The following GALNT2 variants were observed in gnomAD, a reference collection of about 807,000 sequenced individuals.
The protein encoded by GALNT2 is polypeptide N-acetylgalactosaminyltransferase 2.
Under a neutral mutation model 81.4 loss-of-function variants are expected in GALNT2, and 31 were observed. The observed-to-expected ratio is 0.38, with a 90% CI of 0.29 to 0.51. The LOEUF is 0.51. GALNT2 is among the 20% of genes least tolerant of loss of function. GALNT2 has a pLI of 0.87. For synonymous variants in GALNT2, 303 were observed against 287.4 expected (o/e 1.05, Z -0.55); for missense variants, 629 against 765.7 (o/e 0.82, Z 2.11).
chr1:230,134,376 G>T (rs896816198), intron 1 of GALNT2, among the ~76,000 whole-genome samples: 60 of 152,230 alleles, frequency 3.9e-4, no homozygotes, highest in African/African-American at 1.4e-3. Context: ...CAAAGTGCTG[G>T]GATTACAGGT....
At chr1:230,167,640 C>A (rs1027375281) in intron 1 of GALNT2, among the ~76,000 whole-genome samples, 2 of 152,218 alleles carry the variant, frequency 1.3e-5, no homozygotes, top group African/African-American at 4.8e-5. Flanking sequence ...GGAAAGCAGC[C>A]TTGCGGGGAT....
Position 230,245,592 on chromosome 1 carries a change from T to TCA in GALNT2, c.730-459_730-458dup, listed in dbSNP as rs1353366713. On this transcript the variant is annotated intron_variant, in intron 7 of 15. Coordinates refer to ENST00000366672, the MANE Select transcript of GALNT2 (RefSeq NM_004481.5). ...AATATTGATACTTACCACATCTCTCTCACACACACACACTCCCACATAGAA... is the reference window on the plus strand; with the variant it reads ...AATATTGATACTTACCACATCTCTCTCACACACACACACACTCCCACATAGAA... Among the ~76,000 whole-genome samples, 3 of 152,154 alleles carry TCA rather than the reference T, an allele frequency of 2.0e-5. No homozygotes were observed. In the South Asian group the frequency reaches 6.2e-4, roughly 32 times the overall value.
intron 7 of GALNT2, among the ~76,000 whole-genome samples, chr1:230,245,296 T>G (rs1248104908): frequency 6.6e-6 from 1 of 152,080 alleles, no homozygotes; most frequent in East Asian, 1.9e-4. Context: ...AAATCCCATC[T>G]CTACTAAAAA....
At chr1:230,204,449 A>G (rs955084880) in intron 3 of GALNT2, among the ~76,000 whole-genome samples, 3 of 152,196 alleles carry the variant, frequency 2.0e-5, no homozygotes, top group Non-Finnish European at 2.9e-5. Flanking sequence ...GATTACAGGC[A>G]TGCTCCACCT....
chr1:230,213,217 A>C (rs1273483135), intron 3 of GALNT2, among the ~76,000 whole-genome samples: 3 of 152,230 alleles, frequency 2.0e-5, no homozygotes, highest in Non-Finnish European at 4.4e-5. Flanking sequence ...GTTGTCAAGA[A>C]ACTGTAGTCT....
intron 2 of GALNT2, among the ~76,000 whole-genome samples, chr1:230,197,697 G>A (rs1193142872): frequency 6.6e-6 from 1 of 152,168 alleles, no homozygotes; most frequent in East Asian, 1.9e-4. Context: ...ACAAACCAGA[G>A]TGTCAGAGGG....
Position 230,249,180 on chromosome 1 carries a change from G to A in GALNT2, c.818-4G>A, listed in dbSNP as rs200483633. 1 of 1,613,928 alleles carries A rather than the reference G, an allele frequency of 6.2e-7. No individual in the cohort carries two copies. Among genetic ancestry groups the A allele is most frequent in the East Asian group, 2.2e-5 (1 of 44,870 alleles). ...AACACCCTGTTTCTTTTCCTGGCTG[G>A]CAGGTTTTGATTGGAACTTGGTATT... On this transcript the variant is annotated splice_polypyrimidine_tract_variant and splice_region_variant and intron_variant, in intron 8 of 15. Coordinates refer to ENST00000366672, the MANE Select transcript of GALNT2 (RefSeq NM_004481.5).
intron 1 of GALNT2, among the ~76,000 whole-genome samples, chr1:230,059,352 C>T (rs539472660): frequency 3.2e-4 from 48 of 152,336 alleles, no homozygotes; most frequent in African/African-American, 1.2e-3. Flanking sequence ...TGATAAATGA[C>T]AGCCACGGTG....
chr1:230,195,537 A>C (rs1663665817), intron 2 of GALNT2, among the ~76,000 whole-genome samples: 2 of 152,172 alleles, frequency 1.3e-5, no homozygotes, highest in Non-Finnish European at 2.9e-5. Context: ...CTCAGCTGGC[A>C]GGAGGGGTAG....
intron 1 of GALNT2, among the ~76,000 whole-genome samples, chr1:230,072,490 T>G (rs902114116): frequency 5.9e-5 from 9 of 151,958 alleles, no homozygotes; most frequent in African/African-American, 2.2e-4. Flanking sequence ...GCCTGTGAAG[T>G]CTCCTGGAGT....
intron 1 of GALNT2, among the ~76,000 whole-genome samples, chr1:230,127,688 T>A (rs76306077): frequency 1.3e-4 from 19 of 149,900 alleles, no homozygotes; most frequent in African/African-American, 4.4e-4. Flanking sequence ...TTTTTTTTTT[T>A]AATTTTAAAG....
At chr1:230,066,859 G>C (rs1229668500), upstream of GALNT2, among the ~76,000 whole-genome samples, 2 of 151,918 alleles carry the variant, frequency 1.3e-5, no homozygotes, top group African/African-American at 2.4e-5. Flanking sequence ...TGTCACTCAC[G>C]GGGGAGGGGG....
intron 1 of GALNT2, among the ~76,000 whole-genome samples, chr1:230,108,505 G>T (rs1351583881): frequency 2.0e-5 from 3 of 152,188 alleles, no homozygotes; most frequent in African/African-American, 7.2e-5. Flanking sequence ...GTAAGTCGAG[G>T]AGCATCCATC....
intron 1 of GALNT2, among the ~76,000 whole-genome samples, chr1:230,126,517 TG>T (rs1661186585): frequency 6.6e-6 from 1 of 151,776 alleles, no homozygotes. Context: ...CGAGAGGGTT[TG>T]GGGTGTGGGA....
intron 6 of GALNT2, among the ~76,000 whole-genome samples, chr1:230,241,281 T>C (rs1412957117): frequency 6.6e-6 from 1 of 152,220 alleles, no homozygotes; most frequent in Non-Finnish European, 1.5e-5. Context: ...TATTTTATAA[T>C]TGACATTGTG....
At chr1:230,216,022 C>A (rs1664380963) in intron 3 of GALNT2, among the ~76,000 whole-genome samples, 1 of 152,120 alleles carries the variant, frequency 6.6e-6, no homozygotes, top group Non-Finnish European at 1.5e-5. Flanking sequence ...ATCATAGAAC[C>A]AAAAACAGTT....
At chr1:230,224,625 CT>C (rs1664650556) in intron 3 of GALNT2, among the ~76,000 whole-genome samples, 2 of 152,214 alleles carry the variant, frequency 1.3e-5, no homozygotes, top group South Asian at 4.1e-4. Flanking sequence ...TGTTTTTCCC[CT>C]TCTGTTGGAG....
At position 230,243,456 on chromosome 1, in the gene GALNT2, C is replaced by T. The variant is rs986552210; in HGVS notation, c.729+29C>T. ...AGATGACGGGGGCTGGGAGGGGTGTCAGGTCGTGGGTGGTTGGTAGAGGGG... is the reference window on the plus strand; with the variant it reads ...AGATGACGGGGGCTGGGAGGGGTGTTAGGTCGTGGGTGGTTGGTAGAGGGG... On this transcript the variant is annotated intron_variant, in intron 7 of 15. Coordinates refer to ENST00000366672, the MANE Select transcript of GALNT2 (RefSeq NM_004481.5). The surrounding 1 kb of genome is among the most constrained non-coding windows in gnomAD (Gnocchi z 4.2). The T allele has an allele frequency of 6.2e-7, 1 of 1,605,558 alleles. No individual in the cohort carries two copies. The highest frequency in any genetic ancestry group is 8.5e-7 in the Non-Finnish European group (1 of 1,179,010).
intron 3 of GALNT2, among the ~76,000 whole-genome samples, chr1:230,208,327 G>C (rs1201027380): frequency 6.6e-6 from 1 of 152,186 alleles, no homozygotes; most frequent in African/African-American, 2.4e-5. Flanking sequence ...GTATGGCTTG[G>C]AAGAGGGTGC....
Sources: allele counts gnomAD v4.1 joint callset (sites outside exome capture counted in the v4.1 genomes callset), GRCh38; gene constraint gnomAD v4.1.1; non-coding constraint Gnocchi (gnomAD v3.1); transcripts MANE v1.5; gene names NCBI Gene and HGNC (gene_info 2026-07-23, HGNC 2026-07-21).